The following TSHZ3 variants were observed in gnomAD, a reference collection of about 807,000 sequenced individuals.
TSHZ3 encodes the protein teashirt zinc finger homeobox 3, also known as teashirt homolog 3.
A neutral mutation model predicts 64.5 loss-of-function variants in TSHZ3; 10 were observed. That is an observed-to-expected ratio of 0.16 (90% confidence interval 0.10 to 0.26). TSHZ3 has a LOEUF of 0.26. TSHZ3 is among the 10% of genes least tolerant of loss of function. The pLI is 1.00. For synonymous variants in TSHZ3, 608 were observed against 593.1 expected (o/e 1.03, Z -0.36); for missense variants, 1,242 against 1,421.7 (o/e 0.87, Z 2.03).
intron 1 of TSHZ3, among the ~76,000 whole-genome samples, chr19:31,287,582 A>G (rs1976484416): frequency 6.6e-6 from 1 of 151,962 alleles, no homozygotes; most frequent in Admixed American, 6.6e-5. Context: ...CAGAGAGAGG[A>G]CAGAGGGAGA....
intron 5 of TSHZ3, among the ~76,000 whole-genome samples, chr19:31,197,890 T>A (rs1000790926): frequency 2.0e-5 from 3 of 152,054 alleles, no homozygotes; most frequent in African/African-American, 7.2e-5. Flanking sequence ...ATAATACCAA[T>A]TCTGTAGACT....
At chr19:31,235,699 C>CTTTTTTTTTTTT (rs34677399) in intron 3 of TSHZ3, among the ~76,000 whole-genome samples, 3 of 59,570 alleles carry the variant, frequency 5.0e-5, no homozygotes, top group African/African-American at 2.1e-4. Flanking sequence ...TCCTCTTCTT[C>CTTTTTTTTTTTT]TTTTTTTTTT....
At chr19:31,203,504 GC>G (rs1204679423) in intron 5 of TSHZ3, among the ~76,000 whole-genome samples, 1 of 152,184 alleles carries the variant, frequency 6.6e-6, no homozygotes, top group Non-Finnish European at 1.5e-5. Context: ...GGGGTGGGTA[GC>G]AAGGAGAGCC....
chr19:31,270,648 T>C (rs1976123237), downstream of TSHZ3, among the ~76,000 whole-genome samples: 2 of 152,200 alleles, frequency 1.3e-5, no homozygotes, highest in African/African-American at 4.8e-5. Flanking sequence ...ATGGGAATGC[T>C]CTGTGCCTGC....
At chr19:31,336,220 T>C (rs903200601) in intron 1 of TSHZ3, among the ~76,000 whole-genome samples, 1 of 152,206 alleles carries the variant, frequency 6.6e-6, no homozygotes, top group African/African-American at 2.4e-5. Context: ...TTAATACATT[T>C]TCCAATTCCT....
chr19:31,242,662 T>C (rs1975708168), exon 3 of TSHZ3, among the ~76,000 whole-genome samples: 1 of 152,060 alleles, frequency 6.6e-6, no homozygotes, highest in Non-Finnish European at 1.5e-5. Context: ...GGAGTTCTGA[T>C]GTCCAAAGGC....
chr19:31,248,369 A>ACTT (rs1975785382), intron 1 of TSHZ3, among the ~76,000 whole-genome samples: 1 of 152,238 alleles, frequency 6.6e-6, no homozygotes, highest in African/African-American at 2.4e-5. Context: ...GAAATTACAA[A>ACTT]CTTAAAAAGA....
chr19:31,208,732 T>C (rs1367700416), intron 4 of TSHZ3, among the ~76,000 whole-genome samples: 1 of 152,190 alleles, frequency 6.6e-6, no homozygotes, highest in Non-Finnish European at 1.5e-5. Flanking sequence ...AGTCGTGGCT[T>C]TCCCAATGCT....
At chr19:31,263,064 T>C (rs1178954432) in intron 1 of TSHZ3, among the ~76,000 whole-genome samples, 1 of 152,068 alleles carries the variant, frequency 6.6e-6, no homozygotes, top group Non-Finnish European at 1.5e-5. Context: ...CACGGACATC[T>C]TGGGTGAGCA....
chr19:31,317,719 C>A (rs1475473447), intron 1 of TSHZ3, among the ~76,000 whole-genome samples: 3 of 152,348 alleles, frequency 2.0e-5, no homozygotes, highest in Non-Finnish European at 2.9e-5. Flanking sequence ...CAAGAAGGGG[C>A]GGCTTGTCAT....
At chr19:31,236,214 C>T (rs1975612358) in intron 3 of TSHZ3, among the ~76,000 whole-genome samples, 1 of 152,164 alleles carries the variant, frequency 6.6e-6, no homozygotes, top group African/African-American at 2.4e-5. Flanking sequence ...GGAAACTCTG[C>T]ACTGTTTTCC....
intron 5 of TSHZ3, among the ~76,000 whole-genome samples, chr19:31,166,397 G>A (rs1270784134): frequency 1.3e-5 from 2 of 152,226 alleles, no homozygotes; most frequent in Non-Finnish European, 2.9e-5. Context: ...TGGAGAAAGA[G>A]TAGGGACTTC....
At chr19:31,192,805 A>G (rs914344750) in intron 5 of TSHZ3, among the ~76,000 whole-genome samples, 15 of 152,358 alleles carry the variant, frequency 9.8e-5, no homozygotes, top group African/African-American at 3.4e-4. Context: ...TCCCTGGGGT[A>G]TATAAAGTTG....
rs139193387 is a variant in TSHZ3 at position 31,260,615 on chromosome 19, A to G, written n.64-17740T>C. The stretch of plus-strand genomic sequence containing the variant: ...TTCCAGGAAAAATATGAAGCTCCTT[A>G]GTGAGAGAAAACGCACCTTTGTTGA... On this transcript the variant is annotated intron_variant and non_coding_transcript_variant, in intron 1 of 6. Coordinates refer to the TSHZ3 transcript ENST00000651361. Among the ~76,000 whole-genome samples the G allele has an allele frequency of 2.0e-5, 3 of 152,340 alleles. No individual in the cohort carries two copies. In the East Asian group the frequency reaches 5.8e-4, roughly 29 times the overall value.
rs1188209975 is a variant in TSHZ3 at position 31,337,212 on chromosome 19, CG to C, written c.40+11967del. 5.9e-5 allele frequency among the ~76,000 whole-genome samples: 9 copies of C among 152,060 alleles called. No individual in the cohort carries two copies. The East Asian group carries it at 1.7e-3, about 29-fold the overall frequency. ...CTGCTGCCACAATCTCCTAGCAACC[CG>C]GGTGTGATGGATGAGCCCCCAAGAT... On this transcript the variant is annotated intron_variant, in intron 1 of 1. Coordinates refer to ENST00000240587, the MANE Select transcript of TSHZ3 (RefSeq NM_020856.4).
chr19:31,296,806 C>T (rs1976669438), intron 1 of TSHZ3, among the ~76,000 whole-genome samples: 1 of 152,178 alleles, frequency 6.6e-6, no homozygotes, highest in South Asian at 2.1e-4. Context: ...GGTTCTGGCA[C>T]TGGGGGTCAG....
intron 5 of TSHZ3, among the ~76,000 whole-genome samples, chr19:31,170,909 A>C (rs1414605589): frequency 6.6e-6 from 1 of 152,248 alleles, no homozygotes; most frequent in Admixed American, 6.5e-5. Flanking sequence ...GTGAGGCTAA[A>C]GTTATTGAAT....
At chr19:31,335,469 T>C (rs2145188439) in intron 1 of TSHZ3, among the ~76,000 whole-genome samples, 1 of 152,330 alleles carries the variant, frequency 6.6e-6, no homozygotes, top group Non-Finnish European at 1.5e-5. Flanking sequence ...ATCTCTGGCA[T>C]TCCTGCAGCA....
chr19:31,271,772 TC>T (rs1976143278), downstream of TSHZ3, among the ~76,000 whole-genome samples: 1 of 152,002 alleles, frequency 6.6e-6, no homozygotes, highest in Non-Finnish European at 1.5e-5. Context: ...CACTAATAAA[TC>T]CCCAGGGAGA....
Sources: allele counts gnomAD v4.1 joint callset (sites outside exome capture counted in the v4.1 genomes callset), GRCh38; gene constraint gnomAD v4.1.1; transcripts MANE v1.5; gene names NCBI Gene and HGNC (gene_info 2026-07-23, HGNC 2026-07-21).